The following RAPGEF6 variants were observed in gnomAD, a reference collection of about 807,000 sequenced individuals.
RAPGEF6 encodes Rap guanine nucleotide exchange factor 6.
A neutral mutation model predicts 171.4 loss-of-function variants in RAPGEF6; 56 were observed. That is an observed-to-expected ratio of 0.33 (90% CI 0.26 to 0.41). RAPGEF6 has a LOEUF of 0.41. Ranked by LOEUF, RAPGEF6 falls within the 10% of genes least tolerant of loss-of-function variation. RAPGEF6 has a pLI of 1.00. For missense variants in RAPGEF6, 1,674 were observed against 1,921.4 expected, an observed-to-expected ratio of 0.87 and a Z score of 2.41; for synonymous variants, 692 against 650.1, an observed-to-expected ratio of 1.06 and a Z score of -0.98.
At chr5:131,526,945 G>C (rs968391227) in intron 6 of RAPGEF6, among the ~76,000 whole-genome samples, 1 of 152,144 alleles carries the variant, frequency 6.6e-6, no homozygotes, top group African/African-American at 2.4e-5. Flanking sequence ...TATATAGAGG[G>C]GGGTGGGGAA....
intron 6 of RAPGEF6, among the ~76,000 whole-genome samples, chr5:131,537,194 T>C (rs1407531042): frequency 6.6e-6 from 1 of 152,158 alleles, no homozygotes; most frequent in East Asian, 1.9e-4. Context: ...AGCTCCTTCT[T>C]TAGCAATTAC....
At chr5:131,623,952 G>A (rs1027162270) in intron 1 of RAPGEF6, among the ~76,000 whole-genome samples, 3 of 152,102 alleles carry the variant, frequency 2.0e-5, no homozygotes, top group Admixed American at 2.0e-4. Flanking sequence ...TAATTACTAC[G>A]GTGGAAGAAG....
intron 6 of RAPGEF6, among the ~76,000 whole-genome samples, chr5:131,524,781 A>G (rs926604556): frequency 3.9e-4 from 60 of 152,272 alleles, no homozygotes; most frequent in Middle Eastern, 3.4e-3. Flanking sequence ...ATGCCCAGCT[A>G]ATTTCTGTAT....
Position 131,498,571 on chromosome 5 carries a change from C to T in RAPGEF6, c.1291G>A (p.Glu431Lys), listed in dbSNP as rs1472085249. The change falls in exon 12 of 28, where the codon GAA becomes AAA. Residue 431 changes from glutamate to lysine, a missense_variant. Around this residue, in one of 3 missense-constraint regions of RAPGEF6, gnomAD observed 1,116 missense variants for 1,321.5 expected, o/e 0.84. Transcript: ENST00000509018. ...PERLIMHLIE[E>K]HSIVDPTYIE... ...TAAGTTGGATCCACGATGGAATGTT[C>T]TTCTATTAAATGCATTATGAGACGC... The T allele has an allele frequency of 4.3e-6, 7 of 1,613,514 alleles. No homozygotes were observed. The Admixed American group carries it at 1.0e-4, about 23-fold the overall frequency.
In RAPGEF6 at chr5:131,552,895, T is replaced by C. The variant is rs183434402; in HGVS notation, c.352-4705A>G. Among the ~76,000 whole-genome samples, 800 of 152,210 alleles carry C rather than the reference T, an allele frequency of 5.3e-3. 6 individuals are homozygous for C. Among genetic ancestry groups the C allele is most frequent in the African/African-American group, 0.018 (761 of 41,516 alleles). On this transcript the variant is annotated intron_variant, in intron 5 of 27. Transcript: ENST00000509018. Reference sequence around the variant, plus strand: ...GTAAGAAGCAAGACATAATTAAAAATGAGCCCCTAAAAAAGTGGAATGACA... The same window carrying C: ...GTAAGAAGCAAGACATAATTAAAAACGAGCCCCTAAAAAAGTGGAATGACA...
In RAPGEF6 at chr5:131,431,158, T is replaced by C. The variant is rs1751678743; in HGVS notation, c.4166A>G (p.Asn1389Ser). Residue 1389 changes from asparagine (N) to serine (S), a missense_variant, in exon 26 of 28, where the codon AAC (asparagine) becomes AGC (serine). Around this residue, in one of 3 missense-constraint regions of RAPGEF6, gnomAD observed 552 missense variants for 574.2 expected, o/e 0.96. Coordinates refer to ENST00000509018, the MANE Select transcript of RAPGEF6 (RefSeq NM_016340.6). ...ATCCAAATGGGTATGTCTGTAAGAG[T>C]TCAAAAAATCCCAGCTTTTTGGGTT... The part of the protein sequence containing the change: ...LPNPKSWDFL[N>S]SYRHTHLDDP... The C allele has an allele frequency of 1.9e-6, 3 of 1,614,010 alleles. No individual in the cohort carries two copies. The highest frequency in any genetic ancestry group is 2.5e-6 in the Non-Finnish European group (3 of 1,180,024).
chr5:131,541,905 T>C (rs1760179589), intron 6 of RAPGEF6, among the ~76,000 whole-genome samples: 2 of 152,230 alleles, frequency 1.3e-5, no homozygotes, highest in Admixed American at 6.5e-5. Flanking sequence ...AAGTGATTAA[T>C]TCCAAAATCA....
chr5:131,517,773 G>A (rs574743370), intron 7 of RAPGEF6, among the ~76,000 whole-genome samples: 3 of 87,924 alleles, frequency 3.4e-5, no homozygotes, highest in African/African-American at 3.8e-5. Flanking sequence ...GGAAACATTC[G>A]CGCATGTACA....
chr5:131,546,557 T>TAC (rs1192339470), intron 6 of RAPGEF6, among the ~76,000 whole-genome samples: 1 of 151,390 alleles, frequency 6.6e-6, no homozygotes, highest in Non-Finnish European at 1.5e-5. Flanking sequence ...TAAGCTGAGA[T>TAC]CGTGCCACTG....
At chr5:131,520,758 A>C (rs57727293) in intron 7 of RAPGEF6, among the ~76,000 whole-genome samples, 4,940 of 152,280 alleles carry the variant, frequency 0.032, 288 homozygotes, top group African/African-American at 0.11. Flanking sequence ...ATCCTGAAAT[A>C]CTTATTACCC....
intron 17 of RAPGEF6, among the ~76,000 whole-genome samples, chr5:131,470,217 A>T (rs1384767969): frequency 6.6e-6 from 1 of 152,232 alleles, no homozygotes; most frequent in African/African-American, 2.4e-5. Context: ...GTATAAGCAC[A>T]TGTTGCAGAC....
At chr5:131,436,245 G>A in intron 24 of RAPGEF6, 1 of 1,537,514 alleles carries the variant, frequency 6.5e-7, no homozygotes, top group South Asian at 1.2e-5. Context: ...TCTCCTCAGT[G>A]GCCTTCTCAG....
chr5:131,487,483 C>T (rs1398399539), intron 15 of RAPGEF6, among the ~76,000 whole-genome samples: 1 of 152,164 alleles, frequency 6.6e-6, no homozygotes, highest in Non-Finnish European at 1.5e-5. Context: ...CTGATTGGTG[C>T]ATTTACAATC....
At chr5:131,533,915 TC>T (rs1759578258) in intron 6 of RAPGEF6, among the ~76,000 whole-genome samples, 1 of 152,128 alleles carries the variant, frequency 6.6e-6, no homozygotes, top group Admixed American at 6.6e-5. Flanking sequence ...TGCCACACCC[TC>T]TTCCATCTGA....
intron 16 of RAPGEF6, among the ~76,000 whole-genome samples, chr5:131,478,226 G>A (rs964701360): frequency 1.3e-5 from 2 of 152,046 alleles, no homozygotes; most frequent in Non-Finnish European, 2.9e-5. Context: ...ATATCTGATT[G>A]GAAAAACTTC....
At chr5:131,550,921 C>T (rs1008801916) in intron 5 of RAPGEF6, among the ~76,000 whole-genome samples, 2 of 152,202 alleles carry the variant, frequency 1.3e-5, no homozygotes, top group African/African-American at 4.8e-5. Flanking sequence ...CCTTCTATAG[C>T]ACTAAGTATA....
Position 131,510,463 on chromosome 5 carries a change from T to C in RAPGEF6, c.656A>G (p.Asp219Gly). The stretch of plus-strand genomic sequence containing the variant: ...AGGTCCTTCTGGAAGACGTGTCAAA[T>C]CTACATCTCCTACCTCACTCTCCGT... ...QATESEVGDV[D>G]LTRLPEGPVD... Residue 219 changes from aspartate (D) to glycine (G), a missense_variant, in exon 8 of 28, where the codon GAT (aspartate) becomes GGT (glycine). Physicochemically the swap from Asp to Gly is moderately conservative, Grantham distance 94. Coordinates refer to ENST00000509018, the MANE Select transcript of RAPGEF6 (RefSeq NM_016340.6). 6.2e-7 allele frequency: 1 copy of C among 1,614,098 alleles called. No individual in the cohort carries two copies.
At chr5:131,585,655 G>A (rs534630006) in intron 4 of RAPGEF6, among the ~76,000 whole-genome samples, 34 of 151,998 alleles carry the variant, frequency 2.2e-4, no homozygotes, top group Non-Finnish European at 3.5e-4. Flanking sequence ...GTGAAACCCC[G>A]TCTCTACTAA....
chr5:131,426,994 T>G lies in RAPGEF6; in HGVS notation c.*272A>C. 1 of 458,206 alleles carries G rather than the reference T, an allele frequency of 2.2e-6. No individual in the cohort carries two copies. The highest frequency in any genetic ancestry group is 3.8e-6 in the Non-Finnish European group (1 of 260,130). The allele number at this position is 458,206 out of a possible 1,614,324, so 28.4% of individuals were successfully genotyped here. ...AGGATCACTCTGAGTTTACATTTTT[T>G]CTGTAACTGTGGTCCCAAGGCAGTT... On this transcript the variant is annotated 3_prime_UTR_variant, in exon 28 of 28. Coordinates refer to ENST00000509018, the MANE Select transcript of RAPGEF6 (RefSeq NM_016340.6).
Sources: allele counts gnomAD v4.1 joint callset (sites outside exome capture counted in the v4.1 genomes callset), GRCh38; gene constraint gnomAD v4.1.1; regional missense constraint gnomAD v4.1.1; transcripts MANE v1.5; gene names NCBI Gene and HGNC (gene_info 2026-07-23, HGNC 2026-07-21).